Variants in CRHR2 observed in about 807,000 individuals in gnomAD.
CRHR2 encodes the protein corticotropin-releasing hormone receptor 2.
In CRHR2, 53 loss-of-function variants were observed where a neutral mutation model predicts 57.9. The ratio of observed to expected loss-of-function variants is 0.92; its 90% CI spans 0.73 to 1.15. The LOEUF (loss-of-function observed/expected upper bound fraction) is 1.15, where lower values mean the gene tolerates loss of function less well. Among genes scored for constraint, CRHR2 ranks in the 50% most tolerant of loss-of-function variants. The pLI, the probability that CRHR2 is intolerant of heterozygous loss-of-function variation, is 0.00. For synonymous variants in CRHR2, 213 were observed against 220.9 expected (o/e 0.96, Z 0.32); for missense variants, 532 against 542.6 (o/e 0.98, Z 0.19).
At chr7:30,685,886 C>T (rs1160978565), upstream of CRHR2, among the ~76,000 whole-genome samples, 2 of 152,146 alleles carry the variant, frequency 1.3e-5, no homozygotes, top group African/African-American at 2.4e-5. Flanking sequence ...TGCCGCCAAC[C>T]CATTGCCCTT....
chr7:30,675,691 C>A (rs1030598625), intron 2 of CRHR2, among the ~76,000 whole-genome samples: 2 of 152,184 alleles, frequency 1.3e-5, no homozygotes, highest in African/African-American at 4.8e-5. Context: ...TGAAGTCTTC[C>A]AAATTTACTT....
At chr7:30,660,454 C>T (rs1326665306) in intron 8 of CRHR2, 119 bp downstream of exon 8, 15 of 1,004,556 alleles carry the variant, frequency 1.5e-5, no homozygotes, top group Non-Finnish European at 2.2e-5. Context: ...ACGGGGGTGG[C>T]ATATAGAGTG....
intron 2 of CRHR2, among the ~76,000 whole-genome samples, chr7:30,679,658 C>T (rs1413650639): frequency 3.3e-5 from 5 of 152,168 alleles, no homozygotes; most frequent in African/African-American, 1.2e-4. Flanking sequence ...GCGGGTTTGG[C>T]TATAGCATAA....
intron 2 of CRHR2, among the ~76,000 whole-genome samples, chr7:30,673,498 A>G (rs1784427573): frequency 6.6e-6 from 1 of 152,222 alleles, no homozygotes; most frequent in Non-Finnish European, 1.5e-5. Context: ...GATTGCAGGC[A>G]TGAGCCACCA....
At chr7:30,687,842 C>T (rs1784885767) in intron 2 of CRHR2, among the ~76,000 whole-genome samples, 3 of 152,306 alleles carry the variant, frequency 2.0e-5, no homozygotes, top group South Asian at 2.1e-4. Context: ...GAAGGTTGGG[C>T]TTTCCTGAAG....
chr7:30,674,966 G>A (rs560562702), intron 2 of CRHR2, among the ~76,000 whole-genome samples: 1 of 152,154 alleles, frequency 6.6e-6, no homozygotes, highest in Non-Finnish European at 1.5e-5. Context: ...GCCCCACGAG[G>A]TCAGCATGTT....
chr7:30,673,075 C>A (rs969534891), intron 2 of CRHR2, among the ~76,000 whole-genome samples: 3 of 152,188 alleles, frequency 2.0e-5, no homozygotes, highest in African/African-American at 7.2e-5. Flanking sequence ...GAAGAGAATA[C>A]CTTAGGGGCC....
intron 2 of CRHR2, among the ~76,000 whole-genome samples, chr7:30,677,486 T>G (rs1784554784): frequency 6.6e-6 from 1 of 152,236 alleles, no homozygotes; most frequent in Non-Finnish European, 1.5e-5. Flanking sequence ...GGGATGAGAC[T>G]TGCCCCAATT....
chr7:30,688,329 C>T (rs1184643904), intron 2 of CRHR2, among the ~76,000 whole-genome samples: 3 of 152,204 alleles, frequency 2.0e-5, no homozygotes, highest in Non-Finnish European at 2.9e-5. Flanking sequence ...CTCAAGCCCC[C>T]AGTCTGTGGT....
chr7:30,697,296 G>A (rs1312909525), intron 1 of CRHR2, among the ~76,000 whole-genome samples: 1 of 152,166 alleles, frequency 6.6e-6, no homozygotes, highest in Non-Finnish European at 1.5e-5. Context: ...AGACCCTGGG[G>A]GGTGTCTCGC....
At chr7:30,675,077 T>C (rs1784475644) in intron 2 of CRHR2, among the ~76,000 whole-genome samples, 1 of 152,196 alleles carries the variant, frequency 6.6e-6, no homozygotes, top group South Asian at 2.1e-4. Flanking sequence ...GATCCAGCCC[T>C]GCTAAATCTG....
chr7:30,681,797 C>G (rs112562584), intron 2 of CRHR2, 118 bp downstream of exon 2: 2 of 1,413,070 alleles, frequency 1.4e-6, no homozygotes, highest in African/African-American at 2.9e-5. Flanking sequence ...CGCCCGCGGT[C>G]CGCGGTACCG....
At chr7:30,657,553 T>G (rs564332638) in intron 8 of CRHR2, among the ~76,000 whole-genome samples, 3 of 152,216 alleles carry the variant, frequency 2.0e-5, no homozygotes, top group Non-Finnish European at 4.4e-5. Flanking sequence ...GTATTTGACC[T>G]TTTCTGATTC....
intron 1 of CRHR2, among the ~76,000 whole-genome samples, chr7:30,695,209 T>C (rs2128151918): frequency 1.3e-5 from 2 of 152,128 alleles, no homozygotes; most frequent in Middle Eastern, 6.8e-3. Flanking sequence ...GGTCATTGTT[T>C]TCTGGTGTGT....
At chr7:30,690,433 T>C (rs557433726) in intron 1 of CRHR2, among the ~76,000 whole-genome samples, 1 of 136,068 alleles carries the variant, frequency 7.3e-6, no homozygotes, top group Non-Finnish European at 1.6e-5. Flanking sequence ...TGTGTGTGTG[T>C]GAGTACATGC....
intron 2 of CRHR2, among the ~76,000 whole-genome samples, chr7:30,675,905 A>G (rs1425305204): frequency 6.6e-6 from 1 of 152,086 alleles, no homozygotes; most frequent in Non-Finnish European, 1.5e-5. Flanking sequence ...TTTCTGGGGG[A>G]AAGGGTAAAA....
At chr7:30,689,083 A>G (rs1341679842) in intron 2 of CRHR2, 14 of 986,350 alleles carry the variant, frequency 1.4e-5, no homozygotes, top group Non-Finnish European at 1.4e-5. Context: ...CCAGCACCCC[A>G]CCCACCACCC....
intron 1 of CRHR2, among the ~76,000 whole-genome samples, chr7:30,690,910 A>G (rs1584141376): frequency 6.6e-6 from 1 of 152,236 alleles, no homozygotes. Context: ...GTGTCTCGGC[A>G]CTGTGGGGGC....
intron 1 of CRHR2, among the ~76,000 whole-genome samples, chr7:30,696,518 G>A (rs980246953): frequency 3.3e-5 from 5 of 152,140 alleles, no homozygotes; most frequent in Admixed American, 2.0e-4. Context: ...TCAGGAGATC[G>A]AGACCATCCT....
Sources: allele counts gnomAD v4.1 joint callset (sites outside exome capture counted in the v4.1 genomes callset), GRCh38; gene constraint gnomAD v4.1.1; transcripts MANE v1.5; gene names NCBI Gene and HGNC (gene_info 2026-07-23, HGNC 2026-07-21).